PPARGC1B: variants seen among roughly 807,000 people sequenced by gnomAD.
PPARGC1B encodes the protein peroxisome proliferator-activated receptor gamma coactivator 1-beta.
In PPARGC1B, 34 loss-of-function variants were observed where a neutral mutation model predicts 101.6. The ratio of observed to expected loss-of-function variants is 0.33; its 90% CI spans 0.25 to 0.45. The LOEUF is 0.45. PPARGC1B is among the 20% of genes least tolerant of loss of function. The probability of loss-of-function intolerance (pLI) is 1.00; values close to 1 mark genes in which losing one functional copy is unlikely to be tolerated. For synonymous variants in PPARGC1B, 548 were observed against 539.3 expected, an observed-to-expected ratio of 1.02 and a Z score of -0.22; for missense variants, 1,234 against 1,317.6, an observed-to-expected ratio of 0.94 and a Z score of 0.98.
intron 1 of PPARGC1B, among the ~76,000 whole-genome samples, chr5:149,776,670 C>G (rs547038321): frequency 1.3e-5 from 2 of 152,290 alleles, no homozygotes; most frequent in South Asian, 4.1e-4. Flanking sequence ...CATCTGGGGC[C>G]CTGGGAATGA....
At chr5:149,781,820 G>A (rs2113225043) in intron 1 of PPARGC1B, among the ~76,000 whole-genome samples, 1 of 152,286 alleles carries the variant, frequency 6.6e-6, no homozygotes, top group South Asian at 2.1e-4. Context: ...GCTGATCTTG[G>A]ATATATGGTC....
intron 1 of PPARGC1B, among the ~76,000 whole-genome samples, chr5:149,812,870 T>C (rs1581084350): frequency 6.6e-6 from 1 of 152,304 alleles, no homozygotes; most frequent in East Asian, 1.9e-4. Context: ...GAAGGTCAGC[T>C]TCCCAGAGGA....
At chr5:149,806,234 GGT>G (rs1757593370) in intron 1 of PPARGC1B, among the ~76,000 whole-genome samples, 1 of 152,220 alleles carries the variant, frequency 6.6e-6, no homozygotes, top group South Asian at 2.1e-4. Flanking sequence ...GCATATCCTG[GGT>G]GTGTGAGTGC....
chr5:149,740,576 A>G (rs1754874617), intron 1 of PPARGC1B, among the ~76,000 whole-genome samples: 1 of 152,216 alleles, frequency 6.6e-6, no homozygotes, highest in Non-Finnish European at 1.5e-5. Context: ...TGCCACTTGA[A>G]GAGAGAAGAA....
At chr5:149,802,821 T>C (rs957514901) in intron 1 of PPARGC1B, among the ~76,000 whole-genome samples, 1 of 152,160 alleles carries the variant, frequency 6.6e-6, no homozygotes, top group Non-Finnish European at 1.5e-5. Context: ...AAAATGCAGA[T>C]TCTGATTCAG....
intron 1 of PPARGC1B, among the ~76,000 whole-genome samples, chr5:149,812,265 T>G (rs1757892347): frequency 6.6e-6 from 1 of 152,220 alleles, no homozygotes; most frequent in Admixed American, 6.5e-5. Flanking sequence ...CTCTCTTCTG[T>G]CTACTTATTT....
At chr5:149,768,184 T>G (rs1755988845) in intron 1 of PPARGC1B, among the ~76,000 whole-genome samples, 1 of 152,210 alleles carries the variant, frequency 6.6e-6, no homozygotes, top group Non-Finnish European at 1.5e-5. Context: ...ATATTCCGCC[T>G]TGATTTTAAT....
chr5:149,796,810 A>G (rs551752549), intron 1 of PPARGC1B, among the ~76,000 whole-genome samples: 2 of 152,296 alleles, frequency 1.3e-5, no homozygotes, highest in Non-Finnish European at 2.9e-5. Context: ...TGAAGGAGAA[A>G]CTGGTTTGGG....
In PPARGC1B at chr5:149,826,676, G is replaced by A; in HGVS notation, c.256G>A (p.Asp86Asn). 6.2e-7 allele frequency: 1 copy of A among 1,612,420 alleles called. No individual in the cohort carries two copies. Among genetic ancestry groups the A allele is most frequent in the Non-Finnish European group, 8.5e-7 (1 of 1,178,528 alleles). The change falls in exon 3 of 12, where the codon GAC (aspartate) becomes AAC (asparagine). Residue 86 changes from aspartate (D) to asparagine (N), a missense_variant. Transcript: ENST00000309241. ...CCTCCCGCCCTCCTCACTCCAGATT[G>A]ACAGTGAGAATGAGGCCCTCCTGGC... Reference protein sequence around the residue: ...SPDDSELFQIDSENEALLAEL... With the variant: ...SPDDSELFQINSENEALLAEL...
intron 1 of PPARGC1B, among the ~76,000 whole-genome samples, chr5:149,775,145 G>C (rs1756305355): frequency 6.6e-6 from 1 of 152,124 alleles, no homozygotes; most frequent in Non-Finnish European, 1.5e-5. Context: ...AGCCCCACAT[G>C]GCTGAACTAT....
chr5:149,835,515 C>CA (rs1759017770), intron 7 of PPARGC1B, 150 bp downstream of exon 7: 1 of 666,652 alleles, frequency 1.5e-6, no homozygotes, highest in Admixed American at 2.9e-5. Context: ...AGTCAAAAAG[C>CA]AAACAGAAAA....
At chr5:149,762,576 TC>T (rs1755755537) in intron 1 of PPARGC1B, among the ~76,000 whole-genome samples, 1 of 152,186 alleles carries the variant, frequency 6.6e-6, no homozygotes, top group Non-Finnish European at 1.5e-5. Context: ...AGGCTCTCAG[TC>T]CCTCATGGAA....
chr5:149,797,146 C>T (rs555394069), intron 1 of PPARGC1B, among the ~76,000 whole-genome samples: 23 of 152,146 alleles, frequency 1.5e-4, no homozygotes, highest in Non-Finnish European at 2.8e-4. Flanking sequence ...CTCCTATTGG[C>T]GCATAGGTGG....
intron 2 of PPARGC1B, among the ~76,000 whole-genome samples, chr5:149,826,177 G>T (rs1215519533): frequency 6.6e-6 from 1 of 152,178 alleles, no homozygotes; most frequent in South Asian, 2.1e-4. Context: ...CTGGGAACCC[G>T]CAGAGAAATT....
chr5:149,730,383 T>C lies in PPARGC1B; in HGVS notation c.41T>C (p.Leu14Pro). Residue 14 changes from leucine (L) to proline (P), a missense_variant, in exon 1 of 12, where the codon CTC becomes CCC. Around this residue, in one of 3 missense-constraint regions of PPARGC1B, gnomAD observed 734 missense variants for 768.4 expected, o/e 0.96. Coordinates refer to ENST00000309241, the MANE Select transcript of PPARGC1B (RefSeq NM_133263.4). This position sits in a 1 kb window ranked among gnomAD's most constrained non-coding sequence, Gnocchi z 4.0. ...NDCGALLDEE[L>P]SSFFLNYLAD... ...TGCGGCGCGCTGCTGGACGAAGAGCTCTCCTCCTTCTTCCTCAACTATCTC... is the reference window on the plus strand; with the variant it reads ...TGCGGCGCGCTGCTGGACGAAGAGCCCTCCTCCTTCTTCCTCAACTATCTC... The C allele has an allele frequency of 6.4e-7, 1 of 1,574,172 alleles. No individual in the cohort carries two copies. The highest frequency in any genetic ancestry group is 2.4e-5 in the East Asian group (1 of 41,322).
intron 1 of PPARGC1B, among the ~76,000 whole-genome samples, chr5:149,783,843 G>A (rs984203846): frequency 3.9e-5 from 6 of 152,090 alleles, no homozygotes; most frequent in Admixed American, 3.3e-4. Context: ...ATAAACAGGA[G>A]CATGGCAATA....
chr5:149,792,189 C>T (rs1757045073), intron 1 of PPARGC1B, among the ~76,000 whole-genome samples: 2 of 152,082 alleles, frequency 1.3e-5, no homozygotes, highest in Admixed American at 1.3e-4. Context: ...GTGGGAAGAG[C>T]AGGACATGAG....
intron 1 of PPARGC1B, among the ~76,000 whole-genome samples, chr5:149,796,163 G>A (rs1290234869): frequency 6.6e-6 from 1 of 152,206 alleles, no homozygotes; most frequent in East Asian, 1.9e-4. Context: ...CCATGCGATG[G>A]AGAGTGTGAC....
At chr5:149,763,624 G>A (rs768352528) in intron 1 of PPARGC1B, among the ~76,000 whole-genome samples, 10 of 147,184 alleles carry the variant, frequency 6.8e-5, no homozygotes, top group East Asian at 2.0e-4. Flanking sequence ...TCTGCCTCCC[G>A]GGCTCAAGTA....
Sources: allele counts gnomAD v4.1 joint callset (sites outside exome capture counted in the v4.1 genomes callset), GRCh38; gene constraint gnomAD v4.1.1; regional missense constraint gnomAD v4.1.1; non-coding constraint Gnocchi (gnomAD v3.1); transcripts MANE v1.5; gene names NCBI Gene and HGNC (gene_info 2026-07-23, HGNC 2026-07-21).